ADSS2: variants seen among roughly 807,000 people sequenced by gnomAD.
ADSS2 encodes the protein adenylosuccinate synthetase isozyme 2.
ADSS2 carries 30 observed loss-of-function variants against 60.0 expected under a neutral mutation model. That is an observed-to-expected ratio of 0.50 (90% CI 0.37 to 0.68). ADSS2 has a LOEUF of 0.68. ADSS2 is among the 30% of genes least tolerant of loss of function. ADSS2 has a pLI of 0.00. For missense variants in ADSS2, 373 were observed against 554.8 expected, an observed-to-expected ratio of 0.67 and a Z score of 3.29; for synonymous variants, 187 against 193.1, an observed-to-expected ratio of 0.97 and a Z score of 0.26.
intron 1 of ADSS2, among the ~76,000 whole-genome samples, chr1:244,448,520 G>C (rs1000396051): frequency 5.3e-5 from 8 of 152,062 alleles, no homozygotes; most frequent in African/African-American, 1.7e-4. Flanking sequence ...AGCCTTTCCC[G>C]ATCACAGGCA....
Position 244,435,168 on chromosome 1 carries a change from C to CAAAAAAAAAAAAA in ADSS2, c.355+1644_355+1656dup, listed in dbSNP as rs60576167. Among the ~76,000 whole-genome samples the CAAAAAAAAAAAAA allele has an allele frequency of 7.5e-4, 39 of 51,742 alleles. 2 individuals are homozygous for CAAAAAAAAAAAAA. Among genetic ancestry groups the CAAAAAAAAAAAAA allele is most frequent in the African/African-American group, 2.7e-3 (32 of 12,000 alleles). The allele number at this position is 51,742 out of a possible 152,430, so 33.9% of individuals were successfully genotyped here. A position where few individuals can be genotyped will look rare whatever the true frequency, so the allele number is the denominator to read the frequency against. ...GGGTGACAGAGAGAGACTCCGTCTCCAAAAAAAAAAAAAAAAAAAAAAAAA... is the reference window on the plus strand; with the variant it reads ...GGGTGACAGAGAGAGACTCCGTCTCCAAAAAAAAAAAAAAAAAAAAAAAAAAAAAAAAAAAAAA... On this transcript the variant is annotated intron_variant, in intron 3 of 12. Transcript: ENST00000366535.
chr1:244,439,454 G>T (rs958024758), intron 1 of ADSS2, among the ~76,000 whole-genome samples: 1 of 152,086 alleles, frequency 6.6e-6, no homozygotes, highest in Non-Finnish European at 1.5e-5. Flanking sequence ...ATTTGCCCTG[G>T]AACTAGGGCC....
intron 1 of ADSS2, among the ~76,000 whole-genome samples, chr1:244,442,508 G>A (rs969106484): frequency 3.3e-5 from 5 of 152,134 alleles, no homozygotes; most frequent in Admixed American, 6.5e-5. Flanking sequence ...AGTTGTTTCC[G>A]TATGGAAACA....
intron 1 of ADSS2, among the ~76,000 whole-genome samples, chr1:244,444,027 G>A (rs2148013871): frequency 6.6e-6 from 1 of 152,252 alleles, no homozygotes; most frequent in South Asian, 2.1e-4. Flanking sequence ...TAGCTACGTG[G>A]CAGGTTTCTT....
chr1:244,424,218 G>C (rs185943178), intron 5 of ADSS2, 103 bp downstream of exon 5: 251 of 1,276,124 alleles, frequency 2.0e-4, no homozygotes, highest in Non-Finnish European at 2.5e-5. Context: ...CTCTAAAACA[G>C]GATATTCTAA....
At chr1:244,410,732 A>G (rs929092141) in intron 12 of ADSS2, among the ~76,000 whole-genome samples, 3 of 152,160 alleles carry the variant, frequency 2.0e-5, no homozygotes, top group African/African-American at 7.2e-5. Flanking sequence ...AAAAAAAAAC[A>G]GACTAAGAAT....
chr1:244,435,390 T>C lies in ADSS2; in HGVS notation c.355+1435A>G, dbSNP rs1295731017. 5.3e-5 allele frequency among the ~76,000 whole-genome samples: 8 copies of C among 152,174 alleles called. No individual in the cohort carries two copies. The South Asian group carries it at 1.5e-3, about 28-fold the overall frequency. ...ATCTGCATATAAATAATGAGATCTC[T>C]GGGGGGTGGGGCTCAAATATATACA... is the stretch of plus-strand genomic sequence containing the variant. On this transcript the variant is annotated intron_variant, in intron 3 of 12. Coordinates refer to ENST00000366535, the MANE Select transcript of ADSS2 (RefSeq NM_001126.5).
intron 4 of ADSS2, among the ~76,000 whole-genome samples, chr1:244,430,623 C>T (rs939537264): frequency 2.0e-5 from 3 of 152,152 alleles, no homozygotes; most frequent in Non-Finnish European, 2.9e-5. Flanking sequence ...TTATCTAATG[C>T]AGCGCCTTGC....
At chr1:244,414,698 C>T (rs1256656445) in intron 11 of ADSS2, among the ~76,000 whole-genome samples, 2 of 152,208 alleles carry the variant, frequency 1.3e-5, no homozygotes, top group Admixed American at 1.3e-4. Context: ...ACTTATTTTA[C>T]CCTCTTTAAG....
intron 11 of ADSS2, among the ~76,000 whole-genome samples, chr1:244,413,950 G>T (rs1159552950): frequency 6.6e-6 from 1 of 152,074 alleles, no homozygotes; most frequent in Admixed American, 6.5e-5. Context: ...CTCCCATAAT[G>T]AAGCCAAAAA....
intron 11 of ADSS2, among the ~76,000 whole-genome samples, chr1:244,412,763 G>C (rs761195105): frequency 6.6e-6 from 1 of 152,186 alleles, no homozygotes; most frequent in Non-Finnish European, 1.5e-5. Flanking sequence ...GGAAAAAGTG[G>C]GGCCCTGAGA....
intron 3 of ADSS2, among the ~76,000 whole-genome samples, chr1:244,435,230 G>A (rs1049903032): frequency 7.0e-6 from 1 of 142,078 alleles, no homozygotes; most frequent in Non-Finnish European, 1.5e-5. Flanking sequence ...GTAATTGAGT[G>A]TTTTAAATGT....
chr1:244,441,184 A>G (rs934846092), intron 1 of ADSS2, among the ~76,000 whole-genome samples: 1 of 151,256 alleles, frequency 6.6e-6, no homozygotes, highest in Non-Finnish European at 1.5e-5. Context: ...TCAGTCCCCC[A>G]AGTAGCTGGG....
At chr1:244,436,936 T>C (rs1425106172) in intron 2 of ADSS2, 43 bp from the exon 3 acceptor site, 1 of 1,526,812 alleles carries the variant, frequency 6.5e-7, no homozygotes, top group Non-Finnish European at 9.0e-7. Context: ...CATCTATAAC[T>C]CAGACATATG....
At chr1:244,423,753 C>A (rs555900143) in intron 6 of ADSS2, among the ~76,000 whole-genome samples, 200 bp downstream of exon 6, 1 of 151,952 alleles carries the variant, frequency 6.6e-6, no homozygotes, top group Non-Finnish European at 1.5e-5. Context: ...ATTAAATCAC[C>A]GTCATGTTAT....
rs748168597 is a variant in ADSS2, at chr1:244,417,627, C to T, written c.1070+1G>A. Reference sequence around the variant, plus strand: ...AATAAATGTTTCTGAAGAATACTCACGCAGTAAATCCATTGATCATATGAG... The same window carrying T: ...AATAAATGTTTCTGAAGAATACTCATGCAGTAAATCCATTGATCATATGAG... On this transcript the variant is annotated splice_donor_variant, in intron 10 of 12. Coordinates refer to ENST00000366535, the MANE Select transcript of ADSS2 (RefSeq NM_001126.5). LOFTEE classifies it high-confidence loss of function. 3.1e-6 allele frequency: 5 copies of T among 1,611,296 alleles called. No homozygotes were observed. Among genetic ancestry groups the T allele is most frequent in the Admixed American group, 1.7e-5 (1 of 59,896 alleles).
chr1:244,432,512 T>C lies in ADSS2; in HGVS notation c.406+33A>G, dbSNP rs1572140044. The stretch of plus-strand genomic sequence containing the variant: ...ATTTGATAAATTTCAGATAAAAAGA[T>C]AGTTACAAATAAATGCAATATATCC... On this transcript the variant is annotated intron_variant, in intron 4 of 12. Transcript: ENST00000366535. 12 of 1,412,436 alleles carry C rather than the reference T, an allele frequency of 8.5e-6. No homozygotes were observed. The East Asian group carries it at 2.9e-4, about 34-fold the overall frequency. 87.5% of individuals were successfully genotyped at this position (1,412,436 alleles called of 1,614,324 possible).
intron 6 of ADSS2, among the ~76,000 whole-genome samples, chr1:244,423,463 G>T (rs1664720735): frequency 6.6e-6 from 1 of 152,136 alleles, no homozygotes; most frequent in African/African-American, 2.4e-5. Context: ...TGACTACTAG[G>T]TTTCCCAAGG....
At chr1:244,437,377 G>T (rs967674905) in intron 2 of ADSS2, among the ~76,000 whole-genome samples, 2 of 152,094 alleles carry the variant, frequency 1.3e-5, no homozygotes, top group African/African-American at 4.8e-5. Flanking sequence ...GGAAAAAAAA[G>T]TATTTGGAAA....
Sources: gnomAD v4.1 joint callset for allele counts (sites outside exome capture counted in the v4.1 genomes callset) on GRCh38, gnomAD v4.1.1 for gene constraint, MANE v1.5 for transcripts, NCBI Gene and HGNC (gene_info 2026-07-23, HGNC 2026-07-21) for gene names.